GPR107: variants seen among roughly 807,000 people sequenced by gnomAD.
The protein encoded by GPR107 is protein GPR107.
In GPR107, 31 loss-of-function variants were observed where a neutral mutation model predicts 75.5. The ratio of observed to expected loss-of-function variants is 0.41; its 90% CI spans 0.31 to 0.55. The LOEUF (loss-of-function observed/expected upper bound fraction) is 0.55. Among genes scored for constraint, GPR107 ranks in the 20% least tolerant of loss-of-function variants. The probability of loss-of-function intolerance (pLI) is 0.26; values close to 1 mark genes in which losing one functional copy is unlikely to be tolerated. For missense variants in GPR107, 572 were observed against 665.7 expected, an observed-to-expected ratio of 0.86 and a Z score of 1.55; for synonymous variants, 267 against 251.3, an observed-to-expected ratio of 1.06 and a Z score of -0.59.
rs780485833 is a variant in GPR107, at chr9:130,100,744, T to A, written c.1013+42T>A. 2.8e-6 allele frequency: 4 copies of A among 1,447,286 alleles called. No individual in the cohort carries two copies. The South Asian group carries it at 4.6e-5, about 16-fold the overall frequency. The allele number at this position is 1,447,286 out of a possible 1,614,324, so 89.7% of individuals were successfully genotyped here. ...ATGTGAAATACACCATGAAATGACA[T>A]ACAAGACAAGGGGGGTGGGCAACAA... On this transcript the variant is annotated intron_variant, in intron 11 of 17. Transcript: ENST00000347136.
chr9:130,054,393 G>T (rs111517692), intron 1 of GPR107, among the ~76,000 whole-genome samples: 1 of 152,284 alleles, frequency 6.6e-6, no homozygotes, highest in South Asian at 2.1e-4. Flanking sequence ...AGGGCAGCCC[G>T]ATCGCCTTTC....
rs139975079 is a variant in GPR107 at position 130,079,306 on chromosome 9, G to A, written c.387-324G>A. Among the ~76,000 whole-genome samples the A allele has an allele frequency of 3.9e-5, 6 of 152,258 alleles. No individual in the cohort carries two copies. In the East Asian group the frequency reaches 1.2e-3, roughly 29 times the overall value. On this transcript the variant is annotated intron_variant, in intron 4 of 17. Coordinates refer to ENST00000347136, the MANE Select transcript of GPR107 (RefSeq NM_020960.5). ...CTTACTGATGTTTTACATTTTGTCCGTTTCTCTTGTGCACCAATTTGCTGA... is the reference window on the plus strand; with the variant it reads ...CTTACTGATGTTTTACATTTTGTCCATTTCTCTTGTGCACCAATTTGCTGA...
chr9:130,118,130 A>G (rs535984159), intron 14 of GPR107, among the ~76,000 whole-genome samples: 16 of 152,058 alleles, frequency 1.1e-4, no homozygotes, highest in Non-Finnish European at 1.9e-4. Context: ...AACTTTGGTC[A>G]TTTACTAAAC....
Position 130,085,445 on chromosome 9 carries a change from A to C in GPR107, c.565-975A>C, listed in dbSNP as rs1830591534. ...TGTTTTGTCTTAACAGCTTTGTTGA[A>C]GTATAATTGACCTAAAATAAACTGT... On this transcript the variant is annotated intron_variant, in intron 6 of 17. Transcript: ENST00000347136. 2.0e-5 allele frequency among the ~76,000 whole-genome samples: 3 copies of C among 152,158 alleles called. No homozygotes were observed. The South Asian group carries it at 6.2e-4, about 31-fold the overall frequency.
intron 1 of GPR107, among the ~76,000 whole-genome samples, chr9:130,060,396 A>G (rs865878192): frequency 3.6e-5 from 5 of 137,242 alleles, no homozygotes; most frequent in African/African-American, 1.1e-4. Flanking sequence ...AAAAATGATA[A>G]TCCGAGTTTT....
rs1831995794 is a variant in GPR107 at position 130,137,832 on chromosome 9, C to G, written c.*2711C>G. ...GAATGGTTAAGCCCTTGCAGTATTT[C>G]AGATCGGGCAAAAAATATCGGATGC... On this transcript the variant is annotated 3_prime_UTR_variant, in exon 18 of 18. Transcript: ENST00000347136. 6.6e-6 allele frequency: 1 copy of G among 152,210 alleles called. No individual in the cohort carries two copies. Among genetic ancestry groups the G allele is most frequent in the African/African-American group, 2.4e-5 (1 of 41,458 alleles). 9.4% of individuals were successfully genotyped at this position (152,210 alleles called of 1,614,324 possible). A position where few individuals can be genotyped will look rare whatever the true frequency, so the allele number is the denominator to read the frequency against.
intron 7 of GPR107, 85 bp from the exon 8 acceptor site, chr9:130,090,791 C>A: frequency 9.3e-6 from 5 of 536,674 alleles, no homozygotes; most frequent in East Asian, 3.3e-5. Context: ...AAAAAGTAAA[C>A]AATACTTTAA....
intron 5 of GPR107, among the ~76,000 whole-genome samples, chr9:130,080,411 A>G (rs1712590233): frequency 6.6e-6 from 1 of 152,192 alleles, no homozygotes; most frequent in Admixed American, 6.5e-5. Context: ...CCTAGCCAAT[A>G]TGGGGTATTT....
intron 1 of GPR107, among the ~76,000 whole-genome samples, chr9:130,067,682 C>T (rs770275795): frequency 6.6e-6 from 1 of 151,754 alleles, no homozygotes; most frequent in South Asian, 2.1e-4. Flanking sequence ...TAATATTAAA[C>T]TTCTTAGGTT....
chr9:130,093,661 T>C (rs1416920974), intron 9 of GPR107, among the ~76,000 whole-genome samples: 2 of 152,162 alleles, frequency 1.3e-5, no homozygotes, highest in Non-Finnish European at 1.5e-5. Flanking sequence ...ATGTTTGGAC[T>C]AGATTTTCAA....
intron 1 of GPR107, among the ~76,000 whole-genome samples, chr9:130,071,140 A>G (rs1830199660): frequency 2.0e-5 from 3 of 146,538 alleles, no homozygotes; most frequent in South Asian, 2.1e-4. Context: ...GGCTAAAGCA[A>G]TCGTCCCACT....
chr9:130,113,391 C>T (rs758866467), intron 14 of GPR107, among the ~76,000 whole-genome samples: 1 of 151,854 alleles, frequency 6.6e-6, no homozygotes, highest in Non-Finnish European at 1.5e-5. Flanking sequence ...TCCACCATGC[C>T]CGGCTAATTC....
At chr9:130,134,712 T>G (rs1554899675) in intron 17 of GPR107, among the ~76,000 whole-genome samples, 1 of 152,232 alleles carries the variant, frequency 6.6e-6, no homozygotes, top group Non-Finnish European at 1.5e-5. Context: ...CCACAAAAAT[T>G]CCGCAAGCTG....
At chr9:130,098,024 G>C (rs1363381701) in intron 9 of GPR107, among the ~76,000 whole-genome samples, 1 of 152,236 alleles carries the variant, frequency 6.6e-6, no homozygotes, top group East Asian at 1.9e-4. Flanking sequence ...TGGGACTACA[G>C]GTGTGCACCG....
intron 12 of GPR107, among the ~76,000 whole-genome samples, chr9:130,104,210 A>C (rs997244440): frequency 1.1e-4 from 17 of 152,148 alleles, no homozygotes; most frequent in African/African-American, 4.1e-4. Context: ...TATTAGAGCA[A>C]TTACGGCCTG....
intron 14 of GPR107, among the ~76,000 whole-genome samples, chr9:130,113,525 C>T (rs557472315): frequency 1.8e-4 from 27 of 152,156 alleles, no homozygotes; most frequent in Non-Finnish European, 4.0e-4. Flanking sequence ...GCCACCACAC[C>T]CGGCCAGTTT....
chr9:130,111,606 T>C (rs1268494615), intron 14 of GPR107, among the ~76,000 whole-genome samples: 1 of 152,212 alleles, frequency 6.6e-6, no homozygotes, highest in Non-Finnish European at 1.5e-5. Context: ...GCCCAGTAAC[T>C]GCAAGTGAGA....
At chr9:130,081,543 C>T (rs916270874) in intron 5 of GPR107, among the ~76,000 whole-genome samples, 1 of 151,286 alleles carries the variant, frequency 6.6e-6, no homozygotes, top group African/African-American at 2.4e-5. Context: ...CATGGTGGCA[C>T]GTGCCTGTGA....
chr9:130,139,025 A>C lies in GPR107; in HGVS notation c.*3904A>C, dbSNP rs1832029429. The C allele has an allele frequency of 6.6e-6, 1 of 152,228 alleles. No homozygotes were observed. The allele number at this position is 152,228 out of a possible 1,614,324, so 9.4% of individuals were successfully genotyped here. On this transcript the variant is annotated 3_prime_UTR_variant, in exon 18 of 18. Transcript: ENST00000347136. ...TCATGCTGCCAAGCTGCTGTACTTC[A>C]AAGGAAACAGATCTAGCACACTGCT...
Sources: gnomAD v4.1 joint callset for allele counts (sites outside exome capture counted in the v4.1 genomes callset) on GRCh38, gnomAD v4.1.1 for gene constraint, MANE v1.5 for transcripts, NCBI Gene and HGNC (gene_info 2026-07-23, HGNC 2026-07-21) for gene names.